Variants in TBX3 observed in about 807,000 individuals in gnomAD.
TBX3 encodes T-box transcription factor TBX3.
A neutral mutation model predicts 47.8 loss-of-function variants in TBX3; 11 were observed. The observed-to-expected ratio is 0.23, with a 90% CI of 0.14 to 0.38. The LOEUF (loss-of-function observed/expected upper bound fraction) is 0.38, where lower values mean the gene tolerates loss of function less well. Among genes scored for constraint, TBX3 ranks in the 10% least tolerant of loss-of-function variants. The probability of loss-of-function intolerance (pLI) is 1.00; values close to 1 mark genes in which losing one functional copy is unlikely to be tolerated. For synonymous variants in TBX3, 500 were observed against 449.3 expected (o/e 1.11, Z -1.43); for missense variants, 927 against 1,022.8 (o/e 0.91, Z 1.28).
Position 114,672,178 on chromosome 12 carries a change from T to C in TBX3, c.1835A>G (p.Asn612Ser). The change falls in exon 7 of 7, where the codon AAC becomes AGC. Residue 612 changes from asparagine to serine, a missense_variant. Asn to Ser is a conservative substitution (Grantham distance 46). Transcript: ENST00000349155. ...SVHRHPFLNL[N>S]TMRPRLRYSP... ...GTAGCGCAGCCGCGGGCGCATGGTG[T>C]TCAGATTGAGGAAGGGGTGGCGGTG... 1.3e-6 allele frequency: 2 copies of C among 1,572,966 alleles called. No homozygotes were observed. The highest frequency in any genetic ancestry group is 1.7e-6 in the Non-Finnish European group (2 of 1,160,192).
At position 114,671,852 on chromosome 12, in the gene TBX3, C is replaced by G. The variant is rs138010059; in HGVS notation, c.2161G>C (p.Ala721Pro). 145 of 1,556,502 alleles carry G rather than the reference C, an allele frequency of 9.3e-5. No individual in the cohort carries two copies. The highest frequency in any genetic ancestry group is 1.2e-4 in the Non-Finnish European group (133 of 1,150,744). Residue 721 changes from alanine to proline, a missense_variant, in exon 7 of 7, where the codon GCG becomes CCG. Ala to Pro is a conservative substitution (Grantham distance 27). Coordinates refer to ENST00000349155, the MANE Select transcript of TBX3 (RefSeq NM_005996.4). ...TGTCTGGGACGGGTCTACGGGGACG[C>G]GCTGCGGGACCTGTCCGGCTTGGCT... is the stretch of plus-strand genomic sequence containing the variant. Reference protein sequence around the residue: ...LEAKPDRSRSASP With the variant: ...LEAKPDRSRSPSP
In TBX3 at chr12:114,674,823, C is replaced by A. The variant is rs772722825; in HGVS notation, c.1052G>T (p.Ser351Ile). ...GTSNLKDLCPSEGESDAEAES... is the reference protein window; with the variant it reads ...GTSNLKDLCPIEGESDAEAES... ...GGCCTCGGCGTCGCTCTCACCCTCG[C>A]TGGGACATAAATCTACCACAGGCGA... The change falls in exon 6 of 7, where the codon AGC becomes ATC. Residue 351 changes from serine to isoleucine, a missense_variant. Transcript: ENST00000349155. 3.6e-5 allele frequency: 57 copies of A among 1,572,354 alleles called. No homozygotes were observed. Among genetic ancestry groups the A allele is most frequent in the Non-Finnish European group, 4.8e-5 (56 of 1,165,388 alleles).
intron 4 of TBX3, among the ~76,000 whole-genome samples, 153 bp from the exon 5 acceptor site, chr12:114,676,623 C>A (rs1165969018): frequency 6.6e-6 from 1 of 152,228 alleles, no homozygotes; most frequent in African/African-American, 2.4e-5. Flanking sequence ...TGCCCCAGGG[C>A]AGCCACATAG....
At chr12:114,680,825 C>T in intron 2 of TBX3, 54 bp downstream of exon 2, 2 of 1,612,374 alleles carry the variant, frequency 1.2e-6, no homozygotes, top group East Asian at 2.2e-5. Flanking sequence ...GAAGCACTGC[C>T]TTTGACTGAG....
intron 2 of TBX3, 98 bp downstream of exon 2, chr12:114,680,780 CA>C (rs758329587): frequency 6.5e-7 from 1 of 1,546,768 alleles, no homozygotes; most frequent in African/African-American, 1.4e-5. Context: ...TAGGGAGAAG[CA>C]AAGGAGAAGT....
chr12:114,671,607 C>T lies in TBX3; in HGVS notation c.*234G>A. 1 of 606,664 alleles carries T rather than the reference C, an allele frequency of 1.6e-6. No individual in the cohort carries two copies. Among genetic ancestry groups the T allele is most frequent in the Non-Finnish European group, 2.9e-6 (1 of 344,362 alleles). 37.6% of individuals were successfully genotyped at this position (606,664 alleles called of 1,614,324 possible). A position where few individuals can be genotyped will look rare whatever the true frequency, so the allele number is the denominator to read the frequency against. On this transcript the variant is annotated 3_prime_UTR_variant, in exon 7 of 7. Transcript: ENST00000349155. ...AACTCCTACCCCCAGTAGCTCAATG[C>T]AACCGACGTTTCTGAGCCCCCAGAA...
chr12:114,675,468 C>T (rs920596101), intron 5 of TBX3, among the ~76,000 whole-genome samples: 7 of 152,194 alleles, frequency 4.6e-5, no homozygotes, highest in African/African-American at 7.2e-5. Context: ...GCTCACAGCC[C>T]GGGGACGATC....
chr12:114,677,228 T>G (rs901588754), intron 4 of TBX3, among the ~76,000 whole-genome samples: 2 of 152,208 alleles, frequency 1.3e-5, no homozygotes, highest in Non-Finnish European at 1.5e-5. Context: ...AAGACAGGAT[T>G]GCAAAAATTC....
rs564354358 is a variant in TBX3, at chr12:114,674,065, C to A, written c.1710+100G>T. On this transcript the variant is annotated intron_variant, in intron 6 of 6. Coordinates refer to ENST00000349155, the MANE Select transcript of TBX3 (RefSeq NM_005996.4). Reference sequence around the variant, plus strand: ...AATGGCTCAGTAAAAATTATTACAGCTACTAGGCCAAAGGGATCGGGTGAG... The same window carrying A: ...AATGGCTCAGTAAAAATTATTACAGATACTAGGCCAAAGGGATCGGGTGAG... 7 of 1,446,738 alleles carry A rather than the reference C, an allele frequency of 4.8e-6. No homozygotes were observed. In the African/African-American group the frequency reaches 9.9e-5, roughly 20 times the overall value. 89.6% of individuals were successfully genotyped at this position (1,446,738 alleles called of 1,614,324 possible).
intron 1 of TBX3, among the ~76,000 whole-genome samples, chr12:114,681,867 A>G (rs996490419): frequency 2.0e-5 from 3 of 152,232 alleles, no homozygotes; most frequent in Admixed American, 6.5e-5. Context: ...AAAAGGAAGC[A>G]AGGAAGCACT....
Position 114,681,005 on chromosome 12 carries a change from G to C in TBX3, c.531C>G (p.Asp177Glu). ...TGTACATCCTCTTTGGCATTTCGGGGTCGGCCTTACCAGCCACCATCCACC... is the reference window on the plus strand; with the variant it reads ...TGTACATCCTCTTTGGCATTTCGGGCTCGGCCTTACCAGCCACCATCCACC... The part of the protein sequence containing the change: ...NSRWMVAGKA[D>E]PEMPKRMYIH... Residue 177 changes from aspartate (D) to glutamate (E), a missense_variant, in exon 2 of 7, where the codon GAC becomes GAG. Around this residue, in one of 5 missense-constraint regions of TBX3, gnomAD observed 216 missense variants for 281.2 expected, o/e 0.77. Transcript: ENST00000349155. The C allele has an allele frequency of 6.2e-7, 1 of 1,613,956 alleles. No individual in the cohort carries two copies. The highest frequency in any genetic ancestry group is 8.5e-7 in the Non-Finnish European group (1 of 1,179,998).
Position 114,672,098 on chromosome 12 carries a change from C to A in TBX3, c.1915G>T (p.Ala639Ser). Residue 639 changes from alanine (A) to serine (S), a missense_variant, in exon 7 of 7, where the codon GCC becomes TCC. By Grantham distance (99) the Ala-to-Ser change is moderately conservative. Around this residue, in one of 5 missense-constraint regions of TBX3, gnomAD observed 623 missense variants for 569.0 expected, o/e 1.09. Transcript: ENST00000349155. ...GCGGCCGCCGCCATGGAGGGCAGGG[C>A]GGTGGTGAGCAGACTGCTGCCGTCC... is the stretch of plus-strand genomic sequence containing the variant. ...VPDGSSLLTT[A>S]LPSMAAAAGP... is the part of the protein sequence containing the mutation. 6.4e-7 allele frequency: 1 copy of A among 1,568,442 alleles called. No individual in the cohort carries two copies. The highest frequency in any genetic ancestry group is 8.6e-7 in the Non-Finnish European group (1 of 1,156,932).
intron 2 of TBX3, chr12:114,680,622 G>A: frequency 1.7e-6 from 1 of 594,338 alleles, no homozygotes; most frequent in Non-Finnish European, 3.0e-6. Flanking sequence ...TCACTCTCAG[G>A]TCAGGAATCT....
chr12:114,683,902 G>A lies in TBX3; in HGVS notation c.-702C>T, dbSNP rs2121162727. The A allele has an allele frequency of 4.3e-6, 1 of 232,224 alleles. No homozygotes were observed. The highest frequency in any genetic ancestry group is 6.1e-5 in the East Asian group (1 of 16,458). 14.4% of individuals were successfully genotyped at this position (232,224 alleles called of 1,614,324 possible). A position where few individuals can be genotyped will look rare whatever the true frequency, so the allele number is the denominator to read the frequency against. On this transcript the variant is annotated 5_prime_UTR_variant, in exon 1 of 7. Transcript: ENST00000349155. This position sits in a 1 kb window ranked among gnomAD's most constrained non-coding sequence, Gnocchi z 7.7. ...CCTCCTTCCTCTGCTCCGAGCCTCC[G>A]GAGGGTGTCTCGGTTTCAATCCAAA...
chr12:114,681,104 A>T lies in TBX3; in HGVS notation c.432T>A (p.Asp144Glu), dbSNP rs769431199. ...PPFKVRCSGL[D>E]KKAKYILLMD... ...TCAATAAAATGTATTTGGCTTTTTT[A>T]TCCAGCCCAGAACATCTCACTTTAA... is the stretch of plus-strand genomic sequence containing the variant. The change falls in exon 2 of 7, where the codon GAT (aspartate) becomes GAA (glutamate). Residue 144 changes from aspartate to glutamate, a missense_variant. Physicochemically the swap from Asp to Glu is conservative, Grantham distance 45. Coordinates refer to ENST00000349155, the MANE Select transcript of TBX3 (RefSeq NM_005996.4). 1 of 1,614,164 alleles carries T rather than the reference A, an allele frequency of 6.2e-7. No homozygotes were observed. The highest frequency in any genetic ancestry group is 1.1e-5 in the South Asian group (1 of 91,074).
chr12:114,678,388 A>G (rs563861740), intron 3 of TBX3, among the ~76,000 whole-genome samples: 1 of 152,288 alleles, frequency 6.6e-6, no homozygotes, highest in South Asian at 2.1e-4. Flanking sequence ...ATAGTGTGTA[A>G]TCTTTCAAAT....
At position 114,670,308 on chromosome 12, in the gene TBX3, A is replaced by G; in HGVS notation, c.*1533T>C. On this transcript the variant is annotated 3_prime_UTR_variant, in exon 7 of 7. Coordinates refer to ENST00000349155, the MANE Select transcript of TBX3 (RefSeq NM_005996.4). ...TCAGTGATGTTTTAAAGAGAGGGGG[A>G]AAAATACAGAAAACCAAAGAACTCA... 1 of 223,186 alleles carries G rather than the reference A, an allele frequency of 4.5e-6. No individual in the cohort carries two copies. The highest frequency in any genetic ancestry group is 5.7e-5 in the Admixed American group (1 of 17,444). 13.8% of individuals were successfully genotyped at this position (223,186 alleles called of 1,614,324 possible). A position where few individuals can be genotyped will look rare whatever the true frequency, so the allele number is the denominator to read the frequency against.
At chr12:114,676,179 G>A in intron 5 of TBX3, 134 bp downstream of exon 5, 1 of 1,158,852 alleles carries the variant, frequency 8.6e-7, no homozygotes, top group Non-Finnish European at 1.2e-6. Context: ...TTGAACTCTG[G>A]CTTCTGTTTA....
chr12:114,677,562 A>G lies in TBX3; in HGVS notation c.881+18T>C, dbSNP rs778450208. ...GGGATTTTTCTAAACTATCTAATAA[A>G]TAATTGTTTCAACTCACCTTTTTTC... On this transcript the variant is annotated intron_variant, in intron 4 of 6. Transcript: ENST00000349155. 12 of 1,612,998 alleles carry G rather than the reference A, an allele frequency of 7.4e-6. 1 individual carries two copies. The African/African-American group carries it at 1.6e-4, about 22-fold the overall frequency.
Sources: allele counts gnomAD v4.1 joint callset (sites outside exome capture counted in the v4.1 genomes callset), GRCh38; gene constraint gnomAD v4.1.1; regional missense constraint gnomAD v4.1.1; non-coding constraint Gnocchi (gnomAD v3.1); transcripts MANE v1.5; gene names NCBI Gene and HGNC (gene_info 2026-07-23, HGNC 2026-07-21).